The following GRAMD1B variants were observed in gnomAD, a reference collection of about 807,000 sequenced individuals.
The protein encoded by GRAMD1B is GRAM domain containing 1B.
GRAMD1B carries 37 observed loss-of-function variants against 99.7 expected under a neutral mutation model. The observed-to-expected ratio is 0.37, with a 90% CI of 0.29 to 0.49. GRAMD1B has a LOEUF of 0.49. GRAMD1B is among the 20% of genes least tolerant of loss of function. GRAMD1B has a pLI of 0.98. For missense variants in GRAMD1B, 888 were observed against 1,009.2 expected (o/e 0.88, Z 1.63); for synonymous variants, 427 against 387.6 (o/e 1.10, Z -1.19).
intron 2 of GRAMD1B, among the ~76,000 whole-genome samples, chr11:123,504,175 A>G (rs1377402958): frequency 6.6e-6 from 1 of 152,126 alleles, no homozygotes; most frequent in African/African-American, 2.4e-5. Flanking sequence ...TTGGCCTATC[A>G]TGTTTTTCCC....
intron 1 of GRAMD1B, among the ~76,000 whole-genome samples, chr11:123,393,998 C>A (rs1266232463): frequency 6.6e-6 from 1 of 152,166 alleles, no homozygotes; most frequent in African/African-American, 2.4e-5. Context: ...TGGTAAAATG[C>A]AACTCTGAAA....
chr11:123,437,795 A>G (rs1356246490), intron 1 of GRAMD1B, among the ~76,000 whole-genome samples: 3 of 152,142 alleles, frequency 2.0e-5, no homozygotes, highest in African/African-American at 7.2e-5. Flanking sequence ...TTGATTCTTC[A>G]TCTCCTTCCT....
In GRAMD1B at chr11:123,614,779, C is replaced by T. The variant is rs764369704; in HGVS notation, c.2262C>T (p.Thr754=). Reference sequence around the variant, plus strand: ...AGACGCGGCATATCCCGGAGGACACCCCCAACGGTTTCCACCTGCAGAGCG... The same window carrying T: ...AGACGCGGCATATCCCGGAGGACACTCCCAACGGTTTCCACCTGCAGAGCG... ...STQTRHIPED[T]PNGFHLQSVS... is the part of the protein sequence containing the mutation. The change falls in exon 17 of 20, where the codon ACC becomes ACT. Residue 754 remains threonine (T), a synonymous_variant. Coordinates refer to ENST00000635736, the MANE Select transcript of GRAMD1B (RefSeq NM_001387025.1). 6 of 1,612,328 alleles carry T rather than the reference C, an allele frequency of 3.7e-6. No individual in the cohort carries two copies. In the South Asian group the frequency reaches 6.6e-5, roughly 18 times the overall value.
chr11:123,516,747 G>A (rs1030996827), intron 2 of GRAMD1B, among the ~76,000 whole-genome samples: 5 of 152,262 alleles, frequency 3.3e-5, no homozygotes, highest in Admixed American at 2.6e-4. Context: ...TTAGATAAGC[G>A]TCTCTTAGAG....
intron 1 of GRAMD1B, among the ~76,000 whole-genome samples, chr11:123,407,999 T>A (rs1406504416): frequency 6.6e-6 from 1 of 152,204 alleles, no homozygotes; most frequent in Non-Finnish European, 1.5e-5. Flanking sequence ...GGGGTTAGGA[T>A]CATCATCTTG....
chr11:123,598,885 G>A (rs897945080), intron 7 of GRAMD1B: 3 of 1,379,362 alleles, frequency 2.2e-6, no homozygotes, highest in African/African-American at 2.8e-5. Context: ...AGGTACTCAA[G>A]CAGCATCTCT....
rs767104181 is a variant in GRAMD1B, at chr11:123,449,714, CT to C, written c.374+18565del. Among the ~76,000 whole-genome samples, 200 of 99,918 alleles carry C rather than the reference CT, an allele frequency of 2.0e-3. 1 individual carries two copies. The highest frequency in any genetic ancestry group is 5.0e-3 in the East Asian group (17 of 3,368). The allele number at this position is 99,918 out of a possible 152,430, so 65.6% of individuals were successfully genotyped here. ...TGCAGATGCATGCCACCATGCCTGGCTTTTTTTTTTTTTTTTTGAGACAGGG... is the reference window on the plus strand; with the variant it reads ...TGCAGATGCATGCCACCATGCCTGGCTTTTTTTTTTTTTTTTGAGACAGGG... On this transcript the variant is annotated intron_variant, in intron 1 of 19. Transcript: ENST00000635736.
intron 1 of GRAMD1B, among the ~76,000 whole-genome samples, chr11:123,379,277 G>A (rs1156239111): frequency 6.6e-6 from 1 of 152,140 alleles, no homozygotes; most frequent in African/African-American, 2.4e-5. Context: ...AATGGCATCT[G>A]CAACATCCCA....
At chr11:123,388,313 G>T (rs1483927591) in intron 1 of GRAMD1B, among the ~76,000 whole-genome samples, 2 of 151,882 alleles carry the variant, frequency 1.3e-5, no homozygotes, top group Non-Finnish European at 2.9e-5. Context: ...TAAGAGGTGG[G>T]GCCTTTCAAA....
At chr11:123,474,238 A>G (rs1417941480) in intron 1 of GRAMD1B, among the ~76,000 whole-genome samples, 4 of 148,548 alleles carry the variant, frequency 2.7e-5, no homozygotes. Context: ...CCCCACTGCA[A>G]TGTTTTCTTT....
chr11:123,570,830 G>GA (rs1947997105), intron 2 of GRAMD1B, among the ~76,000 whole-genome samples: 1 of 152,218 alleles, frequency 6.6e-6, no homozygotes, highest in South Asian at 2.1e-4. Context: ...GTAGTCCTAT[G>GA]AGATAGGTGT....
intron 8 of GRAMD1B, 98 bp downstream of exon 8, chr11:123,600,646 T>C: frequency 1.4e-6 from 1 of 720,022 alleles, no homozygotes; most frequent in Non-Finnish European, 2.4e-6. Context: ...GATAGTATTC[T>C]CCCACTGATG....
chr11:123,530,185 A>G (rs144840566), intron 2 of GRAMD1B, among the ~76,000 whole-genome samples: 292 of 128,376 alleles, frequency 2.3e-3, no homozygotes, highest in East Asian at 0.015. Context: ...CTTCACAGGT[A>G]GCTGGGAGGG....
intron 1 of GRAMD1B, among the ~76,000 whole-genome samples, chr11:123,375,908 T>C (rs1030178507): frequency 2.6e-5 from 4 of 152,134 alleles, no homozygotes; most frequent in African/African-American, 9.7e-5. Flanking sequence ...AAGTTGTTTC[T>C]GGGGGAAGAA....
chr11:123,404,844 G>C (rs574244288), intron 1 of GRAMD1B, among the ~76,000 whole-genome samples: 1 of 152,226 alleles, frequency 6.6e-6, no homozygotes, highest in Admixed American at 6.5e-5. Context: ...GCTCATGAGA[G>C]GGGCTCAGCT....
At chr11:123,503,228 T>C (rs1349033931) in intron 2 of GRAMD1B, among the ~76,000 whole-genome samples, 1 of 152,196 alleles carries the variant, frequency 6.6e-6, no homozygotes, top group Non-Finnish European at 1.5e-5. Context: ...TATGCAGTCA[T>C]GATCTTTTCC....
At chr11:123,383,321 A>G (rs774257563) in intron 1 of GRAMD1B, among the ~76,000 whole-genome samples, 3 of 152,152 alleles carry the variant, frequency 2.0e-5, no homozygotes, top group Non-Finnish European at 4.4e-5. Context: ...TGGAAAGTAC[A>G]TGGGCTATGG....
chr11:123,515,478 A>G (rs914972906), intron 2 of GRAMD1B, among the ~76,000 whole-genome samples: 1 of 152,238 alleles, frequency 6.6e-6, no homozygotes, highest in Non-Finnish European at 1.5e-5. Flanking sequence ...TCCTGCAAAT[A>G]TTCCAAAATC....
chr11:123,464,760 A>T (rs1950586643), intron 1 of GRAMD1B, among the ~76,000 whole-genome samples: 1 of 152,346 alleles, frequency 6.6e-6, no homozygotes, highest in East Asian at 1.9e-4. Context: ...GAGAGGATGG[A>T]TATAAAAGAT....
Sources: gnomAD v4.1 joint callset for allele counts (sites outside exome capture counted in the v4.1 genomes callset) on GRCh38, gnomAD v4.1.1 for gene constraint, MANE v1.5 for transcripts, NCBI Gene and HGNC (gene_info 2026-07-23, HGNC 2026-07-21) for gene names.